Variants in TMEM94 observed in about 807,000 individuals in gnomAD.
The protein encoded by TMEM94 is ER Mg2+ ATPase.
TMEM94 carries 81 observed loss-of-function variants against 158.6 expected under a neutral mutation model. The observed-to-expected ratio is 0.51, with a 90% CI of 0.43 to 0.61. The LOEUF is 0.61. Among genes scored for constraint, TMEM94 ranks in the 20% least tolerant of loss-of-function variants. The pLI is 0.00. For missense variants in TMEM94, 1,435 were observed against 1,762.0 expected (o/e 0.81, Z 3.32); for synonymous variants, 751 against 730.7 (o/e 1.03, Z -0.45).
rs1165647792 is a variant in TMEM94 at position 75,487,852 on chromosome 17, C to A, written c.410-80C>A. Reference sequence around the variant, plus strand: ...TGGGAGAGGAAGTGGGCAGACAGTGCTTCCGGAAGTGCTGCTGTATCTGAC... The same window carrying A: ...TGGGAGAGGAAGTGGGCAGACAGTGATTCCGGAAGTGCTGCTGTATCTGAC... On this transcript the variant is annotated intron_variant, in intron 5 of 31. Coordinates refer to ENST00000314256, the MANE Select transcript of TMEM94 (RefSeq NM_014738.6). The surrounding 1 kb of genome is among the most constrained non-coding windows in gnomAD (Gnocchi z 4.6). 2 of 1,203,134 alleles carry A rather than the reference C, an allele frequency of 1.7e-6. No homozygotes were observed. Among genetic ancestry groups the A allele is most frequent in the East Asian group, 4.7e-5 (2 of 42,486 alleles). 74.5% of individuals were successfully genotyped at this position (1,203,134 alleles called of 1,614,324 possible).
intron 2 of TMEM94, among the ~76,000 whole-genome samples, chr17:75,473,573 G>C (rs2050571227): frequency 1.3e-5 from 2 of 152,166 alleles, no homozygotes; most frequent in South Asian, 4.1e-4. Context: ...CGAAGGGCTG[G>C]GTGCTCTCTC....
intron 27 of TMEM94, 21 bp downstream of exon 27, chr17:75,497,883 G>A: frequency 6.2e-7 from 1 of 1,602,780 alleles, no homozygotes; most frequent in Middle Eastern, 1.7e-4. Flanking sequence ...CAGACCCTGT[G>A]AGCCTTGCAA....
rs548920887 is a variant in TMEM94, at chr17:75,496,187, G to A, written c.3054-95G>A. ...ACTATAGCCGACCTCGCCCTGGCTG[G>A]GACCAATGCACCTGGGCATGGTGGG... On this transcript the variant is annotated intron_variant, in intron 23 of 31. Coordinates refer to ENST00000314256, the MANE Select transcript of TMEM94 (RefSeq NM_014738.6). 2.3e-5 allele frequency: 36 copies of A among 1,567,050 alleles called. No individual in the cohort carries two copies. The South Asian group carries it at 3.9e-4, about 17-fold the overall frequency.
chr17:75,490,451 G>A (rs2052063927), intron 10 of TMEM94, 101 bp downstream of exon 10: 7 of 1,363,964 alleles, frequency 5.1e-6, no homozygotes, highest in East Asian at 2.3e-5. Context: ...CCTTGGGCTC[G>A]GCATGTTGGT....
chr17:75,459,680 G>A (rs1297458978), intron 1 of TMEM94: 3 of 152,096 alleles, frequency 2.0e-5, no homozygotes, highest in Non-Finnish European at 2.9e-5. Context: ...GGTTGAACTC[G>A]TACCTTAGCA....
rs747677779 is a variant in TMEM94 at position 75,485,587 on chromosome 17, T to C, written c.144+40T>C. On this transcript the variant is annotated intron_variant, in intron 3 of 31. Transcript: ENST00000314256. This position sits in a 1 kb window ranked among gnomAD's most constrained non-coding sequence, Gnocchi z 5.5. The stretch of plus-strand genomic sequence containing the variant: ...CGGGGCTACCAGGGCCTGGCTGGGA[T>C]GGCAGGGAAGTGTGGGAGGCCCCTT... 1.2e-6 allele frequency: 2 copies of C among 1,613,348 alleles called. No individual in the cohort carries two copies. The highest frequency in any genetic ancestry group is 1.7e-6 in the Non-Finnish European group (2 of 1,179,554).
chr17:75,485,553 GCTT>G lies in TMEM94; in HGVS notation c.144+12_144+14del, dbSNP rs773649956. 1.4e-5 allele frequency: 23 copies of G among 1,614,182 alleles called. No individual in the cohort carries two copies. Among genetic ancestry groups the G allele is most frequent in the South Asian group, 8.8e-5 (8 of 91,080 alleles). The stretch of plus-strand genomic sequence containing the variant: ...AGAAGTGTCTGACGTGGAAGGTGAA[GCTT>G]CTTCTCGGGGCTACCAGGGCCTGGC... On this transcript the variant is annotated splice_region_variant and intron_variant, in intron 3 of 31. Coordinates refer to ENST00000314256, the MANE Select transcript of TMEM94 (RefSeq NM_014738.6). This position sits in a 1 kb window ranked among gnomAD's most constrained non-coding sequence, Gnocchi z 5.5.
Position 75,495,902 on chromosome 17 carries a change from T to G in TMEM94, c.2945-64T>G. ...CTCCTGCTCTCCTGTCCCATGGGTC[T>G]CTGCCCAGTGCCCACTTGGTGCTCT... On this transcript the variant is annotated intron_variant, in intron 22 of 31. Transcript: ENST00000314256. This position sits in a 1 kb window ranked among gnomAD's most constrained non-coding sequence, Gnocchi z 5.6. 1 of 1,216,148 alleles carries G rather than the reference T, an allele frequency of 8.2e-7. No homozygotes were observed. Among genetic ancestry groups the G allele is most frequent in the Non-Finnish European group, 1.2e-6 (1 of 831,282 alleles). 75.3% of individuals were successfully genotyped at this position (1,216,148 alleles called of 1,614,324 possible). A position where few individuals can be genotyped will look rare whatever the true frequency, so the allele number is the denominator to read the frequency against.
At chr17:75,469,563 TG>T (rs2050424066) in intron 1 of TMEM94, among the ~76,000 whole-genome samples, 1 of 151,458 alleles carries the variant, frequency 6.6e-6, no homozygotes, top group Admixed American at 6.6e-5. Context: ...CAGGCTGGTC[TG>T]GAACTCCTGA....
rs1393210279 is a variant in TMEM94 at position 75,499,082 on chromosome 17, G to A, written c.3998G>A (p.Arg1333Gln). 4.4e-6 allele frequency: 7 copies of A among 1,581,524 alleles called. No homozygotes were observed. Among genetic ancestry groups the A allele is most frequent in the South Asian group, 3.4e-5 (3 of 88,352 alleles). ...GAGATCGTGAAGCTACATGAGATTC[G>A]GTGAGCTGTCAGCAGGGCGCCTCCC... The part of the protein sequence containing the change: ...TNEIVKLHEI[R>Q]VRVRYQKRQK... Residue 1333 changes from arginine (R) to glutamine (Q), a missense_variant and splice_region_variant, in exon 31 of 32, where the codon CGG becomes CAG. Physicochemically the swap from Arg to Gln is conservative, Grantham distance 43. Around this residue, in one of 3 missense-constraint regions of TMEM94, gnomAD observed 335 missense variants for 409.1 expected, o/e 0.82. Transcript: ENST00000314256.
intron 6 of TMEM94, 143 bp downstream of exon 6, chr17:75,488,277 C>T (rs557860668): frequency 4.1e-6 from 3 of 730,784 alleles, no homozygotes; most frequent in African/African-American, 3.5e-5. Context: ...CTTCCTCCAC[C>T]CTGCTGTTCT....
At chr17:75,471,680 C>G in intron 1 of TMEM94, 120 bp from the exon 2 acceptor site, 1 of 476,096 alleles carries the variant, frequency 2.1e-6, no homozygotes. Flanking sequence ...CGCCACTGCA[C>G]TCCAGCCTGG....
chr17:75,481,218 A>G (rs774344440), intron 2 of TMEM94, among the ~76,000 whole-genome samples: 13 of 152,234 alleles, frequency 8.5e-5, no homozygotes, highest in Non-Finnish European at 1.3e-4. Context: ...GGGAGGCCTC[A>G]GGATCCTTGC....
rs1358857086 is a variant in TMEM94 at position 75,485,734 on chromosome 17, C to T, written c.145-137C>T. Reference sequence around the variant, plus strand: ...TCCTGAGCCTGCTTGCTGCAGGAGCCCAACAGGCTGGAGCCCAGCCGAGGT... The same window carrying T: ...TCCTGAGCCTGCTTGCTGCAGGAGCTCAACAGGCTGGAGCCCAGCCGAGGT... On this transcript the variant is annotated intron_variant, in intron 3 of 31. Coordinates refer to ENST00000314256, the MANE Select transcript of TMEM94 (RefSeq NM_014738.6). The surrounding 1 kb of genome is among the most constrained non-coding windows in gnomAD (Gnocchi z 5.5). 1 of 1,349,074 alleles carries T rather than the reference C, an allele frequency of 7.4e-7. No individual in the cohort carries two copies. Among genetic ancestry groups the T allele is most frequent in the East Asian group, 2.5e-5 (1 of 40,128 alleles). The allele number at this position is 1,349,074 out of a possible 1,614,324, so 83.6% of individuals were successfully genotyped here.
rs557795373 is a variant in TMEM94 at position 75,489,487 on chromosome 17, C to A, written c.868-89C>A. On this transcript the variant is annotated intron_variant, in intron 8 of 31. Transcript: ENST00000314256. This position sits in a 1 kb window ranked among gnomAD's most constrained non-coding sequence, Gnocchi z 5.0. ...TGCAGAGGGTCCCAGAGTGAGCCAG[C>A]CTGTGGAGTAGCAAAGGAAGGGGAA... The A allele has an allele frequency of 1.3e-6, 2 of 1,483,034 alleles. No individual in the cohort carries two copies. The highest frequency in any genetic ancestry group is 1.7e-5 in the Admixed American group (1 of 59,480). 91.9% of individuals were successfully genotyped at this position (1,483,034 alleles called of 1,614,324 possible).
rs1329714780 is a variant in TMEM94 at position 75,491,845 on chromosome 17, G to T, written c.1541G>T (p.Gly514Val). The stretch of plus-strand genomic sequence containing the variant: ...CATGGCCGCAGCAAACACCCATCTG[G>T]CTCCAACGTGAGCTTCAGCAGGGAC... ...KAHGRSKHPS[G>V]SNVSFSRDTE... The change falls in exon 14 of 32, where the codon GGC becomes GTC. Residue 514 changes from glycine to valine, a missense_variant. Around this residue, in one of 3 missense-constraint regions of TMEM94, gnomAD observed 1,051 missense variants for 1,254.4 expected, o/e 0.84. Transcript: ENST00000314256. The surrounding 1 kb of genome is among the most constrained non-coding windows in gnomAD (Gnocchi z 5.1). 6.2e-6 allele frequency: 10 copies of T among 1,613,896 alleles called. No homozygotes were observed. The Admixed American group carries it at 1.5e-4, about 24-fold the overall frequency.
chr17:75,499,617 A>C lies in TMEM94; in HGVS notation c.*283A>C. 2 of 449,936 alleles carry C rather than the reference A, an allele frequency of 4.4e-6. No individual in the cohort carries two copies. The highest frequency in any genetic ancestry group is 8.0e-6 in the Non-Finnish European group (2 of 250,398). The allele number at this position is 449,936 out of a possible 1,614,324, so 27.9% of individuals were successfully genotyped here. ...CAGGCGCTCCCTAGAGGGGCCCTAA[A>C]CCCCCTCACCTGTGAGCTACCCCCT... On this transcript the variant is annotated 3_prime_UTR_variant, in exon 32 of 32. Coordinates refer to ENST00000314256, the MANE Select transcript of TMEM94 (RefSeq NM_014738.6).
At chr17:75,460,234 G>A (rs1185496732) in intron 1 of TMEM94, among the ~76,000 whole-genome samples, 1 of 152,046 alleles carries the variant, frequency 6.6e-6, no homozygotes, top group Non-Finnish European at 1.5e-5. Context: ...GGCTTAGAGT[G>A]GTATTTGAGG....
At position 75,498,928 on chromosome 17, in the gene TMEM94, G is replaced by A. The variant is rs771258147; in HGVS notation, c.3844G>A (p.Val1282Ile). Reference sequence around the variant, plus strand: ...CTCCTGCAGGCTGCTGGGTCAGGTGGTCCAGACGGCTGTGGACCTGCAGCT... The same window carrying A: ...CTCCTGCAGGCTGCTGGGTCAGGTGATCCAGACGGCTGTGGACCTGCAGCT... Reference protein sequence around the residue: ...TVPVVLLGQVVQTAVDLQLWT... With the variant: ...TVPVVLLGQVIQTAVDLQLWT... The change falls in exon 31 of 32, where the codon GTC becomes ATC. Residue 1282 changes from valine to isoleucine, a missense_variant. Val to Ile is a conservative substitution (Grantham distance 29, BLOSUM62 3). This residue lies in a region of TMEM94 where 335 missense variants were observed against 409.1 expected (regional missense o/e 0.82). Coordinates refer to ENST00000314256, the MANE Select transcript of TMEM94 (RefSeq NM_014738.6). This position sits in a 1 kb window ranked among gnomAD's most constrained non-coding sequence, Gnocchi z 6.7. 63 of 1,556,840 alleles carry A rather than the reference G, an allele frequency of 4.0e-5. No individual in the cohort carries two copies. The highest frequency in any genetic ancestry group is 4.8e-5 in the Non-Finnish European group (55 of 1,151,478).
Sources: gnomAD v4.1 joint callset for allele counts (sites outside exome capture counted in the v4.1 genomes callset) on GRCh38, gnomAD v4.1.1 for gene constraint, gnomAD v4.1.1 regional missense constraint, Gnocchi (gnomAD v3.1) non-coding constraint, MANE v1.5 for transcripts, NCBI Gene and HGNC (gene_info 2026-07-23, HGNC 2026-07-21) for gene names.